The following ERBIN variants were observed in gnomAD, a reference collection of about 807,000 sequenced individuals.
ERBIN encodes the protein erbb2 interacting protein.
In ERBIN, 60 loss-of-function variants were observed where a neutral mutation model predicts 158.4. The ratio of observed to expected loss-of-function variants is 0.38; its 90% CI spans 0.31 to 0.47. The LOEUF (loss-of-function observed/expected upper bound fraction) is 0.47, where lower values mean the gene tolerates loss of function less well. Among genes scored for constraint, ERBIN ranks in the 20% least tolerant of loss-of-function variants. The pLI, the probability that ERBIN is intolerant of heterozygous loss-of-function variation, is 0.99. For missense variants in ERBIN, 1,610 were observed against 1,648.0 expected (o/e 0.98, Z 0.40); for synonymous variants, 594 against 557.2 (o/e 1.07, Z -0.93).
chr5:65,950,650 G>C (rs967409617), intron 1 of ERBIN, among the ~76,000 whole-genome samples: 2 of 152,202 alleles, frequency 1.3e-5, no homozygotes, highest in South Asian at 4.1e-4. Flanking sequence ...AGGGTGAGGG[G>C]AGCTAAGCTC....
In ERBIN at chr5:65,961,600, G is replaced by T. The variant is rs115785350; in HGVS notation, c.-57-27035G>T. The stretch of plus-strand genomic sequence containing the variant: ...TAACATTAGCTAGCAGTTAAAGTTA[G>T]TGAAAATGCTGTTTTTGAGGGGGTT... On this transcript the variant is annotated intron_variant, in intron 1 of 25. Transcript: ENST00000284037. 6.1e-3 allele frequency among the ~76,000 whole-genome samples: 928 copies of T among 152,304 alleles called. 12 individuals carry two copies. Among genetic ancestry groups the T allele is most frequent in the African/African-American group, 0.021 (889 of 41,566 alleles).
intron 1 of ERBIN, among the ~76,000 whole-genome samples, chr5:65,940,199 G>A (rs1341560239): frequency 1.5e-3 from 225 of 146,952 alleles, no homozygotes; most frequent in African/African-American, 5.5e-3. Context: ...CTGCCCCGCC[G>A]CCCCGTCTGG....
At chr5:65,962,143 T>C (rs934685718) in intron 1 of ERBIN, among the ~76,000 whole-genome samples, 11 of 152,320 alleles carry the variant, frequency 7.2e-5, no homozygotes, top group African/African-American at 2.2e-4. Context: ...AAAGATGATA[T>C]CTGAATAAAG....
chr5:66,018,715 C>A (rs1020201684), intron 7 of ERBIN, among the ~76,000 whole-genome samples: 1 of 144,310 alleles, frequency 6.9e-6, no homozygotes, highest in African/African-American at 2.5e-5. Context: ...TGGCTCACTG[C>A]AAGCTCTATC....
intron 6 of ERBIN, 39 bp downstream of exon 6, chr5:66,013,677 T>C (rs1327487373): frequency 1.5e-6 from 2 of 1,335,820 alleles, no homozygotes; most frequent in Admixed American, 1.7e-5. Flanking sequence ...TATTATTAGC[T>C]CTTATAAAGT....
chr5:66,026,708 T>C (rs1039763980), intron 13 of ERBIN, among the ~76,000 whole-genome samples: 1 of 152,006 alleles, frequency 6.6e-6, no homozygotes, highest in Admixed American at 6.5e-5. Context: ...ATAACTTAAA[T>C]GAGGACTTAA....
chr5:65,972,188 A>G (rs1207783322), intron 1 of ERBIN, among the ~76,000 whole-genome samples: 2 of 152,094 alleles, frequency 1.3e-5, no homozygotes, highest in Non-Finnish European at 2.9e-5. Context: ...GAAATATTAG[A>G]TTGTCTCTCA....
intron 1 of ERBIN, among the ~76,000 whole-genome samples, chr5:65,954,922 G>C (rs1043588397): frequency 7.2e-5 from 11 of 152,018 alleles, no homozygotes; most frequent in Middle Eastern, 3.4e-3. Context: ...GTAATTAGCC[G>C]GGCATGGTGG....
At chr5:66,018,494 A>AT (rs1755132497) in intron 7 of ERBIN, among the ~76,000 whole-genome samples, 2 of 4,000 alleles carry the variant, frequency 5.0e-4, no homozygotes, top group Non-Finnish European at 9.7e-4. Context: ...ATATTATATT[A>AT]TATAATATAT....
At chr5:66,072,402 C>T in intron 22 of ERBIN, 111 bp downstream of exon 22, 14 of 1,074,796 alleles carry the variant, frequency 1.3e-5, no homozygotes, top group South Asian at 8.8e-5. Context: ...GAGGGCTTTC[C>T]CCCCTTTATT....
intron 14 of ERBIN, among the ~76,000 whole-genome samples, chr5:66,037,621 A>G (rs923850326): frequency 6.6e-6 from 1 of 152,170 alleles, no homozygotes; most frequent in African/African-American, 2.4e-5. Flanking sequence ...GAAGGTTTTC[A>G]TAGGAGTAGG....
intron 1 of ERBIN, among the ~76,000 whole-genome samples, chr5:65,972,272 A>G (rs1158530231): frequency 1.3e-5 from 2 of 152,158 alleles, no homozygotes; most frequent in Non-Finnish European, 2.9e-5. Flanking sequence ...CAATAGGTAT[A>G]TTGACAGTGG....
intron 1 of ERBIN, among the ~76,000 whole-genome samples, chr5:65,955,467 T>G (rs1333961615): frequency 6.6e-6 from 1 of 151,984 alleles, no homozygotes; most frequent in Non-Finnish European, 1.5e-5. Context: ...CCATCTTTAC[T>G]AAAAATAGAA....
intron 20 of ERBIN, among the ~76,000 whole-genome samples, chr5:66,051,514 A>G (rs1353722140): frequency 6.6e-6 from 1 of 152,166 alleles, no homozygotes; most frequent in African/African-American, 2.4e-5. Flanking sequence ...GAAAAGAAAA[A>G]AAAAGAAGAA....
intron 4 of ERBIN, among the ~76,000 whole-genome samples, chr5:65,999,889 A>G (rs1387166432): frequency 1.3e-5 from 2 of 152,222 alleles, no homozygotes; most frequent in African/African-American, 4.8e-5. Context: ...ATCTCTATGG[A>G]TGTTGACACA....
chr5:65,965,045 C>T (rs1173406399), intron 1 of ERBIN, among the ~76,000 whole-genome samples: 5 of 151,010 alleles, frequency 3.3e-5, no homozygotes, highest in Non-Finnish European at 5.9e-5. Flanking sequence ...CCCCCCTCAG[C>T]CTCCCAAAGT....
At chr5:66,012,910 A>T (rs1335708635) in intron 5 of ERBIN, among the ~76,000 whole-genome samples, 1 of 152,208 alleles carries the variant, frequency 6.6e-6, no homozygotes, top group African/African-American at 2.4e-5. Context: ...AAAATCGTAT[A>T]ATCTTAAAAT....
intron 21 of ERBIN, among the ~76,000 whole-genome samples, chr5:66,070,739 G>A (rs1761452628): frequency 1.3e-5 from 2 of 152,134 alleles, no homozygotes; most frequent in African/African-American, 2.4e-5. Flanking sequence ...ATTAGATCAC[G>A]TCTAAAAATT....
intron 7 of ERBIN, among the ~76,000 whole-genome samples, chr5:66,016,740 A>G (rs1754780737): frequency 1.3e-5 from 2 of 151,668 alleles, no homozygotes; most frequent in Non-Finnish European, 2.9e-5. Flanking sequence ...CAGCCTCCAG[A>G]GTGGCTGGGA....
Sources: allele counts gnomAD v4.1 joint callset (sites outside exome capture counted in the v4.1 genomes callset), GRCh38; gene constraint gnomAD v4.1.1; transcripts MANE v1.5; gene names NCBI Gene and HGNC (gene_info 2026-07-23, HGNC 2026-07-21).